The following GPR153 variants were observed in gnomAD, a reference collection of about 807,000 sequenced individuals.
GPR153 encodes probable G protein-coupled receptor 153.
A neutral mutation model predicts 34.1 loss-of-function variants in GPR153; 27 were observed. That is an observed-to-expected ratio of 0.79 (90% CI 0.58 to 1.09). The LOEUF (loss-of-function observed/expected upper bound fraction) is 1.09. Ranked by LOEUF, GPR153 falls within the 50% of genes least tolerant of loss-of-function variation. The pLI is 0.00. For synonymous variants in GPR153, 408 were observed against 405.4 expected (o/e 1.01, Z -0.08); for missense variants, 848 against 860.2 (o/e 0.99, Z 0.18).
At position 6,248,909 on chromosome 1, in the gene GPR153, A is replaced by C. The variant is rs1199165420; in HGVS notation, c.*429T>G. On this transcript the variant is annotated 3_prime_UTR_variant, in exon 6 of 6. Transcript: ENST00000377893. ...GCGGTTATGGTGCAGTGTGGGTGGA[A>C]AGCCCCTGGGGAGGCCAATGGCTCC... 1.3e-5 allele frequency: 2 copies of C among 156,872 alleles called. No individual in the cohort carries two copies. Among genetic ancestry groups the C allele is most frequent in the African/African-American group, 2.4e-5 (1 of 41,548 alleles). 9.7% of individuals were successfully genotyped at this position (156,872 alleles called of 1,614,324 possible).
rs372370989 is a variant in GPR153 at position 6,251,946 on chromosome 1, T to C, written c.787-416A>G. On this transcript the variant is annotated intron_variant, in intron 3 of 5. Coordinates refer to ENST00000377893, the MANE Select transcript of GPR153 (RefSeq NM_207370.4). This position sits in a 1 kb window ranked among gnomAD's most constrained non-coding sequence, Gnocchi z 4.9. ...AAAGTGCTGGGATTACGGGTATGAA[T>C]CACTGTGCCCGGCTGCCATCCCCTT... Among the ~76,000 whole-genome samples the C allele has an allele frequency of 1.1e-4, 17 of 152,210 alleles. No individual in the cohort carries two copies. In the East Asian group the frequency reaches 2.7e-3, roughly 24 times the overall value.
chr1:6,259,805 C>T (rs1005871349), intron 1 of GPR153, among the ~76,000 whole-genome samples: 4 of 152,168 alleles, frequency 2.6e-5, no homozygotes, highest in African/African-American at 9.7e-5. Context: ...CCACGGATTG[C>T]ACCCTTTCTG....
intron 1 of GPR153, among the ~76,000 whole-genome samples, chr1:6,258,570 C>T (rs1235512563): frequency 6.6e-6 from 1 of 152,166 alleles, no homozygotes; most frequent in Non-Finnish European, 1.5e-5. Flanking sequence ...CCACCTCCAG[C>T]CTTTGGGGTG....
chr1:6,252,874 T>C (rs543355523), intron 3 of GPR153, among the ~76,000 whole-genome samples: 266 of 152,242 alleles, frequency 1.7e-3, no homozygotes, highest in African/African-American at 6.0e-3. Context: ...ACCTCAGACC[T>C]TTGTCGGCAA....
rs1354662379 is a variant in GPR153, at chr1:6,248,449, G to A, written c.*889C>T. 1 of 152,368 alleles carries A rather than the reference G, an allele frequency of 6.6e-6. No homozygotes were observed. Among genetic ancestry groups the A allele is most frequent in the East Asian group, 1.9e-4 (1 of 5,180 alleles). 9.4% of individuals were successfully genotyped at this position (152,368 alleles called of 1,614,324 possible). A position where few individuals can be genotyped will look rare whatever the true frequency, so the allele number is the denominator to read the frequency against. On this transcript the variant is annotated 3_prime_UTR_variant, in exon 6 of 6. Coordinates refer to ENST00000377893, the MANE Select transcript of GPR153 (RefSeq NM_207370.4). ...GCCATGGAGGGAGATGATGTGGTGG[G>A]GACAGGCAACGACGGCAGAGTAATG... is the stretch of plus-strand genomic sequence containing the variant.
Position 6,249,228 on chromosome 1 carries a change from TG to T in GPR153, c.*109del. 1.3e-6 allele frequency: 1 copy of T among 787,824 alleles called. No homozygotes were observed. The highest frequency in any genetic ancestry group is 3.5e-5 in the East Asian group (1 of 28,486). The allele number at this position is 787,824 out of a possible 1,614,324, so 48.8% of individuals were successfully genotyped here. On this transcript the variant is annotated 3_prime_UTR_variant, in exon 6 of 6. Coordinates refer to ENST00000377893, the MANE Select transcript of GPR153 (RefSeq NM_207370.4). This position sits in a 1 kb window ranked among gnomAD's most constrained non-coding sequence, Gnocchi z 4.3. ...GCTGAGGCCAACGCCCCCTCACCCC[TG>T]GGAGGGGTGGCGCATGTCTGCGCGC...
rs1257974188 is a variant in GPR153, at chr1:6,249,425, G to A, written c.1743C>T (p.Gly581=). Residue 581 remains glycine (G), a synonymous_variant, in exon 6 of 6, where the codon GGC becomes GGT. Transcript: ENST00000377893. This position sits in a 1 kb window ranked among gnomAD's most constrained non-coding sequence, Gnocchi z 4.3. Reference sequence around the variant, plus strand: ...AACTCAGGAAGCTGCTGGTGCTGCCGCCGCCGCCCGCCGCGCGCAGCCCCC... The same window carrying A: ...AACTCAGGAAGCTGCTGGTGCTGCCACCGCCGCCCGCCGCGCGCAGCCCCC... The part of the protein sequence containing the change: ...EPGGLRAAGG[G]GSTSSFLSSP... 3.7e-6 allele frequency: 5 copies of A among 1,366,416 alleles called. No homozygotes were observed. The highest frequency in any genetic ancestry group is 3.5e-5 in the South Asian group (2 of 57,470). The allele number at this position is 1,366,416 out of a possible 1,614,324, so 84.6% of individuals were successfully genotyped here.
At position 6,254,596 on chromosome 1, in the gene GPR153, G is replaced by A. The variant is rs1161785979; in HGVS notation, c.310C>T (p.Leu104Phe). 1 of 1,603,518 alleles carries A rather than the reference G, an allele frequency of 6.2e-7. No homozygotes were observed. Among genetic ancestry groups the A allele is most frequent in the Admixed American group, 1.7e-5 (1 of 59,262 alleles). The change falls in exon 2 of 6, where the codon CTC becomes TTC. Residue 104 changes from leucine to phenylalanine, a missense_variant. By Grantham distance (22) the Leu-to-Phe change is conservative. Transcript: ENST00000377893. ...ACCATCCACATGCGGTGGTAGGAGA[G>A]GGAGGTGACAGAGAAACAGGTGGCC... ...TLATCFSVTS[L>F]SYHRMWMVCW...
At chr1:6,254,354 G>A (rs1638516950) in intron 2 of GPR153, among the ~76,000 whole-genome samples, 196 bp downstream of exon 2, 1 of 152,162 alleles carries the variant, frequency 6.6e-6, no homozygotes, top group African/African-American at 2.4e-5. Context: ...CAAGCATTCT[G>A]TATTGGCTGC....
intron 1 of GPR153, among the ~76,000 whole-genome samples, chr1:6,258,552 G>A (rs1638610399): frequency 6.6e-6 from 1 of 152,200 alleles, no homozygotes; most frequent in Admixed American, 6.5e-5. Context: ...AGTGAGGGGA[G>A]CACTGGGCCA....
At chr1:6,256,929 ACTCTC>A (rs1403894300) in intron 1 of GPR153, among the ~76,000 whole-genome samples, 1 of 151,906 alleles carries the variant, frequency 6.6e-6, no homozygotes, top group African/African-American at 2.4e-5. Context: ...ATCAGGCTGC[ACTCTC>A]CTCTCCACGC....
At position 6,251,210 on chromosome 1, in the gene GPR153, C is replaced by T. The variant is rs1638440169; in HGVS notation, c.979+128G>A. On this transcript the variant is annotated intron_variant, in intron 4 of 5. Coordinates refer to ENST00000377893, the MANE Select transcript of GPR153 (RefSeq NM_207370.4). This position sits in a 1 kb window ranked among gnomAD's most constrained non-coding sequence, Gnocchi z 4.9. ...CATTCAAGTACATTTGGGGGTGACACGGGGTGTCTGGTGGTTGAGAATGAA... is the reference window on the plus strand; with the variant it reads ...CATTCAAGTACATTTGGGGGTGACATGGGGTGTCTGGTGGTTGAGAATGAA... 4 of 747,628 alleles carry T rather than the reference C, an allele frequency of 5.4e-6. No homozygotes were observed. Among genetic ancestry groups the T allele is most frequent in the East Asian group, 2.5e-5 (1 of 39,476 alleles). The allele number at this position is 747,628 out of a possible 1,614,324, so 46.3% of individuals were successfully genotyped here.
Position 6,255,652 on chromosome 1 carries a change from T to TG in GPR153, c.-109-639_-109-638insC, listed in dbSNP as rs1304812284. Among the ~76,000 whole-genome samples the TG allele has an allele frequency of 1.2e-3, 151 of 123,434 alleles. 1 individual carries two copies. Among genetic ancestry groups the TG allele is most frequent in the African/African-American group, 5.2e-3 (141 of 27,022 alleles). 81.0% of individuals were successfully genotyped at this position (123,434 alleles called of 152,430 possible). A position where few individuals can be genotyped will look rare whatever the true frequency, so the allele number is the denominator to read the frequency against. On this transcript the variant is annotated intron_variant, in intron 1 of 5. Coordinates refer to ENST00000377893, the MANE Select transcript of GPR153 (RefSeq NM_207370.4). The stretch of plus-strand genomic sequence containing the variant: ...ACTATGCCTGGCTACGTTTTTTTTT[T>TG]TTTTTTTTTTTTTTTTTTGAGATAG...
chr1:6,247,569 C>T lies in GPR153; in HGVS notation c.*1769G>A, dbSNP rs1000808703. 4 of 152,202 alleles carry T rather than the reference C, an allele frequency of 2.6e-5. No homozygotes were observed. The highest frequency in any genetic ancestry group is 9.7e-5 in the African/African-American group (4 of 41,432). 9.4% of individuals were successfully genotyped at this position (152,202 alleles called of 1,614,324 possible). ...TCTCCCCCTTTATGTTTGTAAAAAC[C>T]GCAGGATTGGAGTATTTAGAGGACT... On this transcript the variant is annotated 3_prime_UTR_variant, in exon 6 of 6. Transcript: ENST00000377893.
intron 1 of GPR153, among the ~76,000 whole-genome samples, chr1:6,260,191 C>T (rs1638639237): frequency 6.6e-6 from 1 of 152,164 alleles, no homozygotes; most frequent in South Asian, 2.1e-4. Context: ...GAAAGGATTC[C>T]CCGGGCTCTG....
intron 5 of GPR153, 65 bp from the exon 6 acceptor site, chr1:6,250,068 C>A: frequency 7.9e-7 from 1 of 1,267,468 alleles, no homozygotes; most frequent in South Asian, 3.6e-5. Flanking sequence ...AAACCCTTCT[C>A]CACCCTGGGG....
At position 6,247,437 on chromosome 1, in the gene GPR153, C is replaced by G. The variant is rs184092955; in HGVS notation, c.*1901G>C. 11 of 152,342 alleles carry G rather than the reference C, an allele frequency of 7.2e-5. No individual in the cohort carries two copies. Among genetic ancestry groups the G allele is most frequent in the Admixed American group, 5.9e-4 (9 of 15,312 alleles). The allele number at this position is 152,342 out of a possible 1,614,324, so 9.4% of individuals were successfully genotyped here. A position where few individuals can be genotyped will look rare whatever the true frequency, so the allele number is the denominator to read the frequency against. ...AAAAACTACAAAGGGATCCCTGGCT[C>G]TGGGTGTGCTATGAAGACAACTCCC... On this transcript the variant is annotated 3_prime_UTR_variant, in exon 6 of 6. Transcript: ENST00000377893.
At chr1:6,260,376 TC>T (rs1258623746) in intron 1 of GPR153, among the ~76,000 whole-genome samples, 1,000 of 13,432 alleles carry the variant, frequency 0.074, 10 homozygotes, top group East Asian at 0.11. Context: ...GGGGCTCCGA[TC>T]CCCCCCCCCC....
In GPR153 at chr1:6,249,804, C is replaced by A. The variant is rs1276885047; in HGVS notation, c.1364G>T (p.Arg455Leu). 2.5e-6 allele frequency: 3 copies of A among 1,191,012 alleles called. No individual in the cohort carries two copies. The highest frequency in any genetic ancestry group is 4.5e-5 in the Admixed American group (1 of 21,984). The allele number at this position is 1,191,012 out of a possible 1,614,324, so 73.8% of individuals were successfully genotyped here. Reference protein sequence around the residue: ...EDAPPSRARRRSAESLLSLRP... With the variant: ...EDAPPSRARRLSAESLLSLRP... ...CAGCGACAGCAGGCTCTCGGCCGAG[C>A]GGCGGCGCGCGCGGGACGGTGGTGC... The change falls in exon 6 of 6, where the codon CGC (arginine) becomes CTC (leucine). Residue 455 changes from arginine (R) to leucine (L), a missense_variant. Arg to Leu is a moderately radical substitution (Grantham distance 102). Coordinates refer to ENST00000377893, the MANE Select transcript of GPR153 (RefSeq NM_207370.4). The surrounding 1 kb of genome is among the most constrained non-coding windows in gnomAD (Gnocchi z 4.3).
Sources: allele counts gnomAD v4.1 joint callset (sites outside exome capture counted in the v4.1 genomes callset), GRCh38; gene constraint gnomAD v4.1.1; non-coding constraint Gnocchi (gnomAD v3.1); transcripts MANE v1.5; gene names NCBI Gene and HGNC (gene_info 2026-07-23, HGNC 2026-07-21).